The following LRRK2 variants were observed in gnomAD, a reference collection of about 807,000 sequenced individuals.
The protein encoded by LRRK2 is leucine rich repeat kinase 2.
In LRRK2, 203 loss-of-function variants were observed where a neutral mutation model predicts 302.6. The observed-to-expected ratio is 0.67, with a 90% CI of 0.60 to 0.75. LRRK2 has a LOEUF of 0.75. Among genes scored for constraint, LRRK2 ranks in the 30% least tolerant of loss-of-function variants. LRRK2 has a pLI of 0.00. For synonymous variants in LRRK2, 1,066 were observed against 1,031.9 expected, an observed-to-expected ratio of 1.03 and a Z score of -0.63; for missense variants, 2,830 against 2,951.0, an observed-to-expected ratio of 0.96 and a Z score of 0.95.
At chr12:40,246,455 T>C (rs2136455377) in intron 7 of LRRK2, among the ~76,000 whole-genome samples, 1 of 152,250 alleles carries the variant, frequency 6.6e-6, no homozygotes, top group East Asian at 1.9e-4. Flanking sequence ...TTTTACCCTT[T>C]CTTTTTTGTT....
chr12:40,293,896 CATAT>C (rs1407049752), intron 21 of LRRK2, among the ~76,000 whole-genome samples: 1 of 84,248 alleles, frequency 1.2e-5, no homozygotes. Context: ...TTTTGGGGCA[CATAT>C]ATATATATAT....
chr12:40,313,884 T>C, intron 31 of LRRK2, 88 bp from the exon 32 acceptor site: 2 of 1,009,510 alleles, frequency 2.0e-6, no homozygotes, highest in Non-Finnish European at 3.0e-6. Context: ...TCTGTTTCTG[T>C]AAAAACTGTT....
rs1479707240 is a variant in LRRK2 at position 40,310,464 on chromosome 12, G to A, written c.4351G>A (p.Gly1451Ser). 3 of 1,612,752 alleles carry A rather than the reference G, an allele frequency of 1.9e-6. No individual in the cohort carries two copies. The Admixed American group carries it at 5.0e-5, about 27-fold the overall frequency. Residue 1451 changes from glycine to serine, a missense_variant, in exon 31 of 51, where the codon GGC becomes AGC. Gly to Ser is a moderately conservative substitution (Grantham distance 56). Around this residue, in one of 3 missense-constraint regions of LRRK2, gnomAD observed 2,121 missense variants for 2,148.0 expected, o/e 0.99. Transcript: ENST00000298910. ...RASSSPVILV[G>S]THLDVSDEKQ... The stretch of plus-strand genomic sequence containing the variant: ...TTCTTCTTCCCCTGTGATTCTCGTT[G>A]GCACACATTTGGATGTTTCTGATGA...
At chr12:40,231,576 C>CAAAAAA (rs71078231) in intron 2 of LRRK2, among the ~76,000 whole-genome samples, 1 of 105,882 alleles carries the variant, frequency 9.4e-6, no homozygotes, top group Admixed American at 1.1e-4. Context: ...AAAACAAAAC[C>CAAAAAA]AAAAAAAAAA....
chr12:40,236,876 T>G (rs1489009274), intron 4 of LRRK2, among the ~76,000 whole-genome samples: 1 of 152,088 alleles, frequency 6.6e-6, no homozygotes, highest in African/African-American at 2.4e-5. Context: ...TTGACGGAGA[T>G]TCATTCTCCA....
At chr12:40,367,113 C>T (rs1333602564) in intron 50 of LRRK2, 36 bp downstream of exon 50, 1 of 1,447,148 alleles carries the variant, frequency 6.9e-7, no homozygotes, top group African/African-American at 1.4e-5. Context: ...CCAAACAGGG[C>T]AATGATGTGA....
At chr12:40,331,090 G>T (rs562823724) in intron 39 of LRRK2, among the ~76,000 whole-genome samples, 1 of 152,006 alleles carries the variant, frequency 6.6e-6, no homozygotes, top group Admixed American at 6.6e-5. Context: ...TATTTGCTCT[G>T]TGGGTTCATC....
intron 16 of LRRK2, among the ~76,000 whole-genome samples, chr12:40,275,438 A>G (rs1943409565): frequency 6.6e-6 from 1 of 152,134 alleles, no homozygotes; most frequent in African/African-American, 2.4e-5. Flanking sequence ...TTAAAACATG[A>G]TATATAATAA....
intron 46 of LRRK2, among the ~76,000 whole-genome samples, chr12:40,357,810 T>G (rs903034373): frequency 1.3e-5 from 2 of 152,210 alleles, no homozygotes; most frequent in Admixed American, 1.3e-4. Flanking sequence ...TCTTGCTTTC[T>G]TACCCAGGCT....
At position 40,306,408 on chromosome 12, in the gene LRRK2, C is replaced by T. The variant is rs889856515; in HGVS notation, c.3959+442C>T. On this transcript the variant is annotated intron_variant, in intron 28 of 50. Transcript: ENST00000298910. ...TGAAATTACTAACTTCTATTTTGCC[C>T]ATTAGGATGAGTAATCTACTCACCT... 7.2e-5 allele frequency among the ~76,000 whole-genome samples: 11 copies of T among 152,226 alleles called. No individual in the cohort carries two copies. In the East Asian group the frequency reaches 2.1e-3, roughly 29 times the overall value.
chr12:40,350,652 C>G (rs1946322429), intron 43 of LRRK2, among the ~76,000 whole-genome samples: 1 of 152,092 alleles, frequency 6.6e-6, no homozygotes, highest in Non-Finnish European at 1.5e-5. Context: ...TAGTCAAGTA[C>G]AACTATAATG....
chr12:40,237,638 T>G (rs562010069), intron 4 of LRRK2, among the ~76,000 whole-genome samples: 8 of 152,236 alleles, frequency 5.3e-5, no homozygotes, highest in African/African-American at 1.9e-4. Flanking sequence ...TTGGGGTAAC[T>G]GTGGAATATT....
At chr12:40,349,179 G>T (rs1160302410) in intron 43 of LRRK2, among the ~76,000 whole-genome samples, 2 of 151,926 alleles carry the variant, frequency 1.3e-5, no homozygotes, top group Non-Finnish European at 2.9e-5. Flanking sequence ...CTCCCCTTTT[G>T]TCCCATAGAT....
At chr12:40,325,471 C>G (rs1167478935) in intron 38 of LRRK2, among the ~76,000 whole-genome samples, 1 of 152,112 alleles carries the variant, frequency 6.6e-6, no homozygotes, top group East Asian at 1.9e-4. Context: ...GGATAACTAA[C>G]TCTTTCTTAT....
At chr12:40,322,610 T>G (rs1409935055) in intron 37 of LRRK2, 100 bp downstream of exon 37, 6 of 1,057,128 alleles carry the variant, frequency 5.7e-6, no homozygotes, top group Non-Finnish European at 8.5e-6. Flanking sequence ...AAGGGATGAG[T>G]TGAAAAATAG....
intron 6 of LRRK2, among the ~76,000 whole-genome samples, chr12:40,242,916 G>A (rs1007651413): frequency 1.4e-4 from 20 of 147,196 alleles, no homozygotes; most frequent in Non-Finnish European, 1.8e-4. Context: ...TAATGATGAA[G>A]ATTGTGATGA....
chr12:40,254,798 G>T (rs563302614), intron 11 of LRRK2, among the ~76,000 whole-genome samples: 1 of 152,132 alleles, frequency 6.6e-6, no homozygotes, highest in South Asian at 2.1e-4. Context: ...TTACTTCTTT[G>T]TTCCTGATCA....
rs550819500 is a variant in LRRK2 at position 40,281,528 on chromosome 12, A to T, written c.2242-2347A>T. Among the ~76,000 whole-genome samples the T allele has an allele frequency of 7.9e-5, 12 of 152,312 alleles. No homozygotes were observed. The South Asian group carries it at 2.5e-3, about 32-fold the overall frequency. On this transcript the variant is annotated intron_variant, in intron 18 of 50. Transcript: ENST00000298910. ...TTTGATAATCTTTAGTTATATTCTTAATTTTCTTCATTATTATTTAAATGT... is the reference window on the plus strand; with the variant it reads ...TTTGATAATCTTTAGTTATATTCTTTATTTTCTTCATTATTATTTAAATGT...
chr12:40,358,008 TC>T (rs1565779194), intron 46 of LRRK2, among the ~76,000 whole-genome samples: 1 of 152,060 alleles, frequency 6.6e-6, no homozygotes, highest in East Asian at 1.9e-4. Flanking sequence ...GCTCAAGCAA[TC>T]CTCCTGCCTC....
Sources: gnomAD v4.1 joint callset for allele counts (sites outside exome capture counted in the v4.1 genomes callset) on GRCh38, gnomAD v4.1.1 for gene constraint, gnomAD v4.1.1 regional missense constraint, MANE v1.5 for transcripts, NCBI Gene and HGNC (gene_info 2026-07-23, HGNC 2026-07-21) for gene names.